The following NAPB variants were observed in gnomAD, a reference collection of about 807,000 sequenced individuals.
The protein encoded by NAPB is NSF attachment protein beta, also known as beta-soluble NSF attachment protein.
NAPB carries 26 observed loss-of-function variants against 44.7 expected under a neutral mutation model. That is an observed-to-expected ratio of 0.58 (90% CI 0.43 to 0.81). NAPB has a LOEUF of 0.81. Ranked by LOEUF, NAPB falls within the 30% of genes least tolerant of loss-of-function variation. The probability of loss-of-function intolerance (pLI) is 0.00; values close to 1 mark genes in which losing one functional copy is unlikely to be tolerated. For missense variants in NAPB, 315 were observed against 356.4 expected (o/e 0.88, Z 0.94); for synonymous variants, 120 against 116.8 (o/e 1.03, Z -0.18).
chr20:23,377,085 T>C lies in NAPB; in HGVS notation c.*291A>G, dbSNP rs6106647. ...TAAAAACACGTGGCAACATTAAACA[T>C]AGGCTCCACAAATACCAATGAAATA... On this transcript the variant is annotated 3_prime_UTR_variant, in exon 11 of 11. Coordinates refer to ENST00000377026, the MANE Select transcript of NAPB (RefSeq NM_022080.3). The C allele has an allele frequency of 3.9e-3, 776 of 199,956 alleles. 10 individuals are homozygous for C. The highest frequency in any genetic ancestry group is 0.016 in the African/African-American group (709 of 43,604). 12.4% of individuals were successfully genotyped at this position (199,956 alleles called of 1,614,324 possible).
chr20:23,398,179 C>T (rs573786196), intron 2 of NAPB, among the ~76,000 whole-genome samples: 80 of 152,150 alleles, frequency 5.3e-4, no homozygotes, highest in Non-Finnish European at 1.0e-3. Context: ...CAGCAGAGTG[C>T]CTCTGAAAAA....
chr20:23,395,129 A>C lies in NAPB; in HGVS notation c.342+10T>G, dbSNP rs1984257642. ...CACCCCACAGCCACTCAAGCAATGC[A>C]ATGTCTTACCATGTCTGTGTAAATG... is the stretch of plus-strand genomic sequence containing the variant. On this transcript the variant is annotated intron_variant, in intron 4 of 10. Coordinates refer to ENST00000377026, the MANE Select transcript of NAPB (RefSeq NM_022080.3). 1 of 1,614,070 alleles carries C rather than the reference A, an allele frequency of 6.2e-7. No individual in the cohort carries two copies. Among genetic ancestry groups the C allele is most frequent in the South Asian group, 1.1e-5 (1 of 91,094 alleles).
intron 7 of NAPB, among the ~76,000 whole-genome samples, chr20:23,385,422 T>C (rs1397129012): frequency 1.3e-5 from 2 of 152,020 alleles, no homozygotes; most frequent in Non-Finnish European, 2.9e-5. Flanking sequence ...ACAACTAAAG[T>C]TGGAGATTTT....
At chr20:23,417,512 C>A (rs982204145) in intron 1 of NAPB, among the ~76,000 whole-genome samples, 2 of 152,154 alleles carry the variant, frequency 1.3e-5, no homozygotes, top group African/African-American at 2.4e-5. Context: ...ATCTTAATGT[C>A]AGACTCAGGC....
intron 9 of NAPB, 113 bp downstream of exon 9, chr20:23,379,754 C>T: frequency 1.3e-6 from 1 of 778,130 alleles, no homozygotes; most frequent in Non-Finnish European, 2.1e-6. Context: ...GTACCAGGGC[C>T]CCTCAGTTAG....
chr20:23,410,664 T>C (rs7354701), intron 1 of NAPB, among the ~76,000 whole-genome samples: 2 of 151,826 alleles, frequency 1.3e-5, no homozygotes, highest in African/African-American at 4.9e-5. Context: ...AACCTGCATA[T>C]GTACCCCCTG....
intron 5 of NAPB, among the ~76,000 whole-genome samples, chr20:23,393,200 G>A (rs921424627): frequency 6.6e-6 from 1 of 152,078 alleles, no homozygotes; most frequent in Non-Finnish European, 1.5e-5. Context: ...CTGCCTCCAG[G>A]ATCCACAGAT....
intron 1 of NAPB, among the ~76,000 whole-genome samples, chr20:23,408,592 C>T (rs765537008): frequency 1.7e-4 from 26 of 152,328 alleles, no homozygotes; most frequent in Admixed American, 5.2e-4. Context: ...ATTCTAAAAA[C>T]TTGGGGCTTT....
At chr20:23,400,582 A>C (rs1268508897) in intron 2 of NAPB, among the ~76,000 whole-genome samples, 1 of 152,184 alleles carries the variant, frequency 6.6e-6, no homozygotes, top group Non-Finnish European at 1.5e-5. Flanking sequence ...GGTCTCTGGG[A>C]AGCCACACAA....
intron 1 of NAPB, among the ~76,000 whole-genome samples, chr20:23,419,849 T>G (rs1333251794): frequency 6.6e-6 from 1 of 152,270 alleles, no homozygotes; most frequent in Non-Finnish European, 1.5e-5. Flanking sequence ...TATGCATTTC[T>G]GCAGTTATGC....
chr20:23,393,307 T>TA (rs576565512), intron 5 of NAPB, among the ~76,000 whole-genome samples: 4,761 of 146,782 alleles, frequency 0.032, 126 homozygotes, highest in South Asian at 0.049. Context: ...ATGGCAATTA[T>TA]AAAAAAAAAA....
chr20:23,417,782 T>C (rs984099831), intron 1 of NAPB, among the ~76,000 whole-genome samples: 3 of 152,040 alleles, frequency 2.0e-5, no homozygotes, highest in African/African-American at 4.8e-5. Flanking sequence ...TTGCATCCCT[T>C]GTCAGCTCTT....
rs1986420446 is a variant in NAPB, at chr20:23,421,341, A to C, written c.62T>G (p.Val21Gly). 6.4e-7 allele frequency: 1 copy of C among 1,564,592 alleles called. No homozygotes were observed. The highest frequency in any genetic ancestry group is 8.7e-7 in the Non-Finnish European group (1 of 1,154,590). Reference sequence around the variant, plus strand: ...TCGGAGGAAGGAGTGGGAGGCCTTGACTCGCTTCTCGGCCTCCGCCATCAG... The same window carrying C: ...TCGGAGGAAGGAGTGGGAGGCCTTGCCTCGCTTCTCGGCCTCCGCCATCAG... The part of the protein sequence containing the change: ...VQLMAEAEKR[V>G]KASHSFLRGL... The change falls in exon 1 of 11, where the codon GTC becomes GGC. Residue 21 changes from valine to glycine, a missense_variant. Physicochemically the swap from Val to Gly is moderately radical, Grantham distance 109. Coordinates refer to ENST00000377026, the MANE Select transcript of NAPB (RefSeq NM_022080.3).
At chr20:23,383,966 A>C (rs1056181268) in intron 7 of NAPB, among the ~76,000 whole-genome samples, 1 of 152,236 alleles carries the variant, frequency 6.6e-6, no homozygotes, top group Non-Finnish European at 1.5e-5. Context: ...TAAAATGATG[A>C]CACCAACCTA....
intron 1 of NAPB, among the ~76,000 whole-genome samples, chr20:23,419,830 T>C (rs1035838342): frequency 2.6e-5 from 4 of 152,264 alleles, no homozygotes; most frequent in Admixed American, 2.0e-4. Context: ...CTTGCATTTT[T>C]GCAGCCTTTA....
At chr20:23,395,944 T>C (rs868412427) in intron 3 of NAPB, among the ~76,000 whole-genome samples, 1 of 152,134 alleles carries the variant, frequency 6.6e-6, no homozygotes, top group Non-Finnish European at 1.5e-5. Flanking sequence ...GGTAAGCAGA[T>C]GAACAAAAAT....
intron 2 of NAPB, among the ~76,000 whole-genome samples, chr20:23,402,182 G>A (rs1984902653): frequency 6.6e-6 from 1 of 152,150 alleles, no homozygotes; most frequent in South Asian, 2.1e-4. Flanking sequence ...ATTTTAAAGT[G>A]TCTGCCTTGA....
intron 7 of NAPB, among the ~76,000 whole-genome samples, chr20:23,383,598 CTA>C (rs1983222157): frequency 6.6e-6 from 1 of 152,096 alleles, no homozygotes; most frequent in Admixed American, 6.5e-5. Context: ...CCCAGGAAAA[CTA>C]TGTTTCAGAA....
At chr20:23,407,885 T>C (rs953845404) in intron 1 of NAPB, among the ~76,000 whole-genome samples, 5 of 152,170 alleles carry the variant, frequency 3.3e-5, no homozygotes, top group African/African-American at 7.2e-5. Flanking sequence ...TCCTGAATAA[T>C]AACTATTGCA....
Sources: allele counts gnomAD v4.1 joint callset (sites outside exome capture counted in the v4.1 genomes callset), GRCh38; gene constraint gnomAD v4.1.1; transcripts MANE v1.5; gene names NCBI Gene and HGNC (gene_info 2026-07-23, HGNC 2026-07-21).